Variants in MARCHF11 observed in about 807,000 individuals in gnomAD.
MARCHF11 encodes membrane associated ring-CH-type finger 11, also known as E3 ubiquitin-protein ligase MARCHF11.
Under a neutral mutation model 37.3 loss-of-function variants are expected in MARCHF11, and 29 were observed. That is an observed-to-expected ratio of 0.78 (90% confidence interval 0.58 to 1.06). MARCHF11 has a LOEUF of 1.06. Among genes scored for constraint, MARCHF11 ranks in the 50% least tolerant of loss-of-function variants. MARCHF11 has a pLI of 0.00. For synonymous variants in MARCHF11, 233 were observed against 228.0 expected, an observed-to-expected ratio of 1.02 and a Z score of -0.20; for missense variants, 482 against 533.4, an observed-to-expected ratio of 0.90 and a Z score of 0.95.
At chr5:16,102,756 G>T (rs1736979214) in intron 2 of MARCHF11, among the ~76,000 whole-genome samples, 2 of 152,284 alleles carry the variant, frequency 1.3e-5, no homozygotes, top group Non-Finnish European at 2.9e-5. Context: ...TCAAGAGGCT[G>T]TCACACTGAC....
chr5:16,168,335 C>T (rs963876641), intron 2 of MARCHF11, among the ~76,000 whole-genome samples: 2 of 152,084 alleles, frequency 1.3e-5, no homozygotes, highest in African/African-American at 4.8e-5. Flanking sequence ...TCTTTCACCC[C>T]ATAGCTTAGG....
At chr5:16,099,473 G>C (rs1736922230) in intron 2 of MARCHF11, among the ~76,000 whole-genome samples, 1 of 151,808 alleles carries the variant, frequency 6.6e-6, no homozygotes, top group Non-Finnish European at 1.5e-5. Context: ...AAATAAATAA[G>C]ACTCATATAA....
intron 2 of MARCHF11, among the ~76,000 whole-genome samples, chr5:16,109,231 G>T (rs1198084059): frequency 6.6e-6 from 1 of 151,988 alleles, no homozygotes; most frequent in Non-Finnish European, 1.5e-5. Context: ...CTAATAAGAT[G>T]ACTGGTGGCT....
At chr5:16,084,338 T>C (rs1207258283) in intron 3 of MARCHF11, among the ~76,000 whole-genome samples, 8 of 152,194 alleles carry the variant, frequency 5.3e-5, no homozygotes, top group African/African-American at 1.7e-4. Context: ...AAGGCTATAA[T>C]AATAACTGTA....
chr5:16,116,027 G>A (rs1009991635), intron 2 of MARCHF11, among the ~76,000 whole-genome samples: 1 of 152,166 alleles, frequency 6.6e-6, no homozygotes, highest in Non-Finnish European at 1.5e-5. Context: ...ATCATTAGCA[G>A]TGAGATGGCA....
At chr5:16,068,568 T>C (rs1560965306) in intron 3 of MARCHF11, among the ~76,000 whole-genome samples, 1 of 152,134 alleles carries the variant, frequency 6.6e-6, no homozygotes, top group Non-Finnish European at 1.5e-5. Flanking sequence ...ATCAGATCTT[T>C]CCACGTTTCT....
chr5:16,152,075 T>A (rs1426539164), intron 2 of MARCHF11, among the ~76,000 whole-genome samples: 1 of 152,006 alleles, frequency 6.6e-6, no homozygotes, highest in African/African-American at 2.4e-5. Flanking sequence ...ATTTCCAGTA[T>A]CTCACTCATT....
At chr5:16,133,832 A>G (rs554025662) in intron 2 of MARCHF11, among the ~76,000 whole-genome samples, 2 of 152,286 alleles carry the variant, frequency 1.3e-5, no homozygotes, top group Non-Finnish European at 2.9e-5. Context: ...AGGTTTTAAG[A>G]AAGTTTATAT....
intron 2 of MARCHF11, among the ~76,000 whole-genome samples, chr5:16,092,146 C>T (rs1736799521): frequency 6.6e-6 from 1 of 152,098 alleles, no homozygotes; most frequent in African/African-American, 2.4e-5. Context: ...CTTATGCATC[C>T]CCAAATGGCA....
intron 3 of MARCHF11, among the ~76,000 whole-genome samples, chr5:16,083,840 G>C (rs1200413218): frequency 6.6e-6 from 1 of 152,102 alleles, no homozygotes; most frequent in Non-Finnish European, 1.5e-5. Context: ...TATATTCATA[G>C]AAAGCAAACT....
chr5:16,136,145 T>A (rs1303260462), intron 2 of MARCHF11, among the ~76,000 whole-genome samples: 3 of 152,082 alleles, frequency 2.0e-5, no homozygotes, highest in Non-Finnish European at 2.9e-5. Flanking sequence ...TGATAGTAGT[T>A]AGAGAAGGAG....
intron 3 of MARCHF11, among the ~76,000 whole-genome samples, chr5:16,089,602 T>TAA (rs34711667): frequency 1.4e-5 from 2 of 138,260 alleles, no homozygotes; most frequent in African/African-American, 5.4e-5. Flanking sequence ...AAGAAAAAAG[T>TAA]AAAAAAAAAA....
intron 2 of MARCHF11, among the ~76,000 whole-genome samples, chr5:16,104,703 T>C (rs1411327917): frequency 6.6e-6 from 1 of 152,118 alleles, no homozygotes; most frequent in African/African-American, 2.4e-5. Flanking sequence ...AGTTCAGGTT[T>C]TTTTGTTTGT....
chr5:16,115,128 G>A (rs964897221), intron 2 of MARCHF11, among the ~76,000 whole-genome samples: 4 of 152,134 alleles, frequency 2.6e-5, no homozygotes, highest in Non-Finnish European at 5.9e-5. Context: ...GGAAGCTGAG[G>A]GACTTTGTAA....
intron 2 of MARCHF11, among the ~76,000 whole-genome samples, chr5:16,168,829 G>A (rs1361793535): frequency 6.6e-6 from 1 of 152,024 alleles, no homozygotes; most frequent in Non-Finnish European, 1.5e-5. Flanking sequence ...CTCTGTTCTT[G>A]ACTACTCTAA....
chr5:16,135,350 A>T (rs1179483147), intron 2 of MARCHF11, among the ~76,000 whole-genome samples: 3 of 152,220 alleles, frequency 2.0e-5, no homozygotes, highest in Non-Finnish European at 4.4e-5. Flanking sequence ...AAAACTGGAC[A>T]TGAATTGGAA....
chr5:16,117,663 AG>A (rs1430084965), intron 2 of MARCHF11, among the ~76,000 whole-genome samples: 32 of 152,298 alleles, frequency 2.1e-4, no homozygotes, highest in African/African-American at 7.5e-4. Context: ...CCAAGGTGGG[AG>A]GATGGCTTGA....
intron 2 of MARCHF11, among the ~76,000 whole-genome samples, chr5:16,130,445 G>A (rs887837638): frequency 2.0e-5 from 3 of 152,106 alleles, no homozygotes; most frequent in Non-Finnish European, 2.9e-5. Flanking sequence ...TGGGCATTAT[G>A]AATATAGTTT....
In MARCHF11 at chr5:16,179,086, G is replaced by A; in HGVS notation, c.490C>T (p.Gln164Ter). Residue 164 changes from glutamine (Q) to a stop codon, truncating the protein, a stop_gained, in exon 1 of 4, where the codon CAG becomes TAG. Transcript: ENST00000332432. LOFTEE classifies it high-confidence loss of function. ...GGDQRAGHQH[Q>*]HHQPICKICF... is the part of the protein sequence containing the mutation. ...ATCTTGCAGATGGGCTGGTGGTGCT[G>A]GTGCTGGTGCCCAGCGCGCTGGTCG... 6.7e-7 allele frequency: 1 copy of A among 1,496,154 alleles called. No individual in the cohort carries two copies. The highest frequency in any genetic ancestry group is 8.9e-7 in the Non-Finnish European group (1 of 1,129,318). 92.7% of individuals were successfully genotyped at this position (1,496,154 alleles called of 1,614,324 possible). A position where few individuals can be genotyped will look rare whatever the true frequency, so the allele number is the denominator to read the frequency against.
Sources: gnomAD v4.1 joint callset for allele counts (sites outside exome capture counted in the v4.1 genomes callset) on GRCh38, gnomAD v4.1.1 for gene constraint, MANE v1.5 for transcripts, NCBI Gene and HGNC (gene_info 2026-07-23, HGNC 2026-07-21) for gene names.